The following PLCG2 variants were observed in gnomAD, a reference collection of about 807,000 sequenced individuals.
PLCG2 encodes 1-phosphatidylinositol 4,5-bisphosphate phosphodiesterase gamma-2.
Under a neutral mutation model 175.6 loss-of-function variants are expected in PLCG2, and 69 were observed. The ratio of observed to expected loss-of-function variants is 0.39; its 90% confidence interval spans 0.32 to 0.48. PLCG2 has a LOEUF of 0.48. PLCG2 is among the 20% of genes least tolerant of loss of function. PLCG2 has a pLI of 0.91. For missense variants in PLCG2, 1,798 were observed against 1,650.9 expected, an observed-to-expected ratio of 1.09 and a Z score of -1.54; for synonymous variants, 827 against 624.0, an observed-to-expected ratio of 1.33 and a Z score of -4.85.
At chr16:81,826,329 A>G (rs1349426597) in intron 2 of PLCG2, among the ~76,000 whole-genome samples, 1 of 152,168 alleles carries the variant, frequency 6.6e-6, no homozygotes, top group Admixed American at 6.5e-5. Flanking sequence ...CGAGAAAAGC[A>G]TCAAGTATGA....
chr16:81,932,939 C>T (rs908670145), intron 25 of PLCG2, among the ~76,000 whole-genome samples: 2 of 152,260 alleles, frequency 1.3e-5, no homozygotes, highest in African/African-American at 4.8e-5. Context: ...TGCCACAGTA[C>T]AGCTCTGAGG....
chr16:81,929,379 T>C (rs1436444394), intron 24 of PLCG2, among the ~76,000 whole-genome samples: 1 of 152,200 alleles, frequency 6.6e-6, no homozygotes, highest in Admixed American at 6.5e-5. Flanking sequence ...AATGCTCTGC[T>C]TTACACATTC....
Position 81,895,830 on chromosome 16 carries a change from G to A in PLCG2, c.1096G>A (p.Gly366Arg). 1.2e-6 allele frequency: 2 copies of A among 1,614,116 alleles called. No individual in the cohort carries two copies. The highest frequency in any genetic ancestry group is 2.2e-5 in the South Asian group (2 of 91,078). Residue 366 changes from glycine (G) to arginine (R), a missense_variant, in exon 13 of 33, where the codon GGG becomes AGG. Physicochemically the swap from Gly to Arg is moderately radical, Grantham distance 125 (BLOSUM62 -2). Coordinates refer to ENST00000564138, the MANE Select transcript of PLCG2 (RefSeq NM_002661.5). Reference protein sequence around the residue: ...IELDCWDGPDGKPVIYHGWTR... With the variant: ...IELDCWDGPDRKPVIYHGWTR... ...AGTGGACTGCTGGGACGGGCCCGAT[G>A]GGAAGCCGGTCATCTACCATGGCTG...
intron 31 of PLCG2, among the ~76,000 whole-genome samples, chr16:81,953,698 G>A (rs1037310636): frequency 6.6e-6 from 1 of 152,188 alleles, no homozygotes; most frequent in Admixed American, 6.5e-5. Flanking sequence ...CTCAAGTCAA[G>A]AGGGCTGGTT....
chr16:81,841,205 TTTATTTA>T (rs1597348725), intron 2 of PLCG2, among the ~76,000 whole-genome samples: 1 of 6,302 alleles, frequency 1.6e-4, no homozygotes, highest in East Asian at 0.011. Context: ...AAAAGTAAAC[TTTATTTA>T]TTTATTTATT....
chr16:81,942,164 T>C (rs1910967944), intron 30 of PLCG2, among the ~76,000 whole-genome samples: 1 of 152,146 alleles, frequency 6.6e-6, no homozygotes, highest in African/African-American at 2.4e-5. Flanking sequence ...TGAAACCCCT[T>C]GGTTACCCCG....
rs1487456332 is a variant in PLCG2 at position 81,886,169 on chromosome 16, G to T, written c.765+2828G>T. Among the ~76,000 whole-genome samples the T allele has an allele frequency of 3.9e-5, 6 of 152,214 alleles. No homozygotes were observed. In the East Asian group the frequency reaches 1.2e-3, roughly 29 times the overall value. On this transcript the variant is annotated intron_variant, in intron 9 of 32. Transcript: ENST00000564138. ...TTCACCACCTGGTAGGGAGACTGGG[G>T]CGTGTAGATTTACCCCACCTAGTGG...
chr16:81,912,924 G>A (rs1411658580), intron 19 of PLCG2, among the ~76,000 whole-genome samples: 1 of 152,268 alleles, frequency 6.6e-6, no homozygotes, highest in Non-Finnish European at 1.5e-5. Context: ...AGGGCAGGAT[G>A]TTCTGTAGTA....
chr16:81,829,410 G>A (rs1905172581), intron 2 of PLCG2, among the ~76,000 whole-genome samples: 1 of 152,114 alleles, frequency 6.6e-6, no homozygotes, highest in Non-Finnish European at 1.5e-5. Context: ...TGCCTAGCCA[G>A]TTTCACCATG....
At chr16:81,843,578 T>C (rs575518679) in intron 2 of PLCG2, among the ~76,000 whole-genome samples, 3 of 152,250 alleles carry the variant, frequency 2.0e-5, no homozygotes, top group African/African-American at 7.2e-5. Flanking sequence ...ACAAAGCATC[T>C]ACAGCAACAA....
At chr16:81,894,524 A>C (rs1357312706) in intron 12 of PLCG2, among the ~76,000 whole-genome samples, 4 of 152,030 alleles carry the variant, frequency 2.6e-5, no homozygotes, top group African/African-American at 9.7e-5. Flanking sequence ...CTCTCTGGCT[A>C]TTTTCCTTCC....
chr16:81,832,279 C>G (rs982192013), intron 2 of PLCG2, among the ~76,000 whole-genome samples: 1 of 152,214 alleles, frequency 6.6e-6, no homozygotes, highest in East Asian at 1.9e-4. Context: ...CTCCTGGGCT[C>G]CGCTCCACAT....
intron 2 of PLCG2, among the ~76,000 whole-genome samples, chr16:81,836,954 C>T (rs1035326043): frequency 1.3e-5 from 2 of 152,166 alleles, no homozygotes; most frequent in African/African-American, 4.8e-5. Context: ...GTTTCCCTTC[C>T]CTTTCCTCCT....
At chr16:81,928,394 T>C (rs1024039243) in intron 23 of PLCG2, among the ~76,000 whole-genome samples, 164 bp from the exon 24 acceptor site, 1 of 152,172 alleles carries the variant, frequency 6.6e-6, no homozygotes, top group African/African-American at 2.4e-5. Flanking sequence ...ATCAGCTCCA[T>C]GCTTCATTAT....
intron 2 of PLCG2, among the ~76,000 whole-genome samples, chr16:81,852,532 C>T (rs1214080011): frequency 6.6e-6 from 1 of 152,064 alleles, no homozygotes; most frequent in Non-Finnish European, 1.5e-5. Flanking sequence ...CACTGGTCAT[C>T]TTGTAGGGGG....
chr16:81,926,957 T>C, intron 22 of PLCG2, 125 bp from the exon 23 acceptor site: 2 of 686,978 alleles, frequency 2.9e-6, no homozygotes, highest in East Asian at 5.0e-5. Context: ...ATAGTGACAC[T>C]GGTCACTTGG....
At chr16:81,787,909 T>G (rs1471054096) in intron 2 of PLCG2, among the ~76,000 whole-genome samples, 1 of 152,206 alleles carries the variant, frequency 6.6e-6, no homozygotes, top group African/African-American at 2.4e-5. Context: ...GAAATTTTCC[T>G]TTTTGTGGCA....
At chr16:81,896,190 C>A (rs1352771679) in intron 13 of PLCG2, among the ~76,000 whole-genome samples, 1 of 152,150 alleles carries the variant, frequency 6.6e-6, no homozygotes, top group Non-Finnish European at 1.5e-5. Flanking sequence ...TCAGTGCCCA[C>A]CCCACCTCCT....
intron 2 of PLCG2, among the ~76,000 whole-genome samples, chr16:81,764,783 A>G (rs751592005): frequency 6.6e-6 from 1 of 152,222 alleles, no homozygotes; most frequent in African/African-American, 2.4e-5. Context: ...GTCATACTGC[A>G]TTAGGGTACA....
Sources: allele counts gnomAD v4.1 joint callset (sites outside exome capture counted in the v4.1 genomes callset), GRCh38; gene constraint gnomAD v4.1.1; transcripts MANE v1.5; gene names NCBI Gene and HGNC (gene_info 2026-07-23, HGNC 2026-07-21).